Variants in ALCAM observed in about 807,000 individuals in gnomAD.
ALCAM encodes CD166 antigen.
In ALCAM, 30 loss-of-function variants were observed where a neutral mutation model predicts 70.9. That is an observed-to-expected ratio of 0.42 (90% CI 0.32 to 0.57). ALCAM has a LOEUF of 0.57. Among genes scored for constraint, ALCAM ranks in the 20% least tolerant of loss-of-function variants. The pLI, the probability that ALCAM is intolerant of heterozygous loss-of-function variation, is 0.11. For missense variants in ALCAM, 591 were observed against 695.1 expected, an observed-to-expected ratio of 0.85 and a Z score of 1.68; for synonymous variants, 249 against 242.5, an observed-to-expected ratio of 1.03 and a Z score of -0.25.
At chr3:105,449,584 C>T (rs1937377614) in intron 1 of ALCAM, among the ~76,000 whole-genome samples, 1 of 152,110 alleles carries the variant, frequency 6.6e-6, no homozygotes, top group South Asian at 2.1e-4. Context: ...CAATATCATT[C>T]CTGAGAGCTG....
chr3:105,490,068 C>T (rs1386015452), intron 1 of ALCAM, among the ~76,000 whole-genome samples: 1 of 152,180 alleles, frequency 6.6e-6, no homozygotes, highest in African/African-American at 2.4e-5. Context: ...AGCAAAGTAA[C>T]TAAGAAGTTT....
intron 1 of ALCAM, among the ~76,000 whole-genome samples, chr3:105,437,183 T>C (rs1414815902): frequency 6.6e-6 from 1 of 152,232 alleles, no homozygotes; most frequent in African/African-American, 2.4e-5. Context: ...TAAGACTGGA[T>C]TTGCTTGGTT....
At chr3:105,533,916 T>C (rs1939907057) in intron 5 of ALCAM, among the ~76,000 whole-genome samples, 1 of 152,086 alleles carries the variant, frequency 6.6e-6, no homozygotes, top group Non-Finnish European at 1.5e-5. Context: ...CATAGTGATA[T>C]ATAACAAAAT....
chr3:105,561,431 A>T (rs1257401315), intron 14 of ALCAM, among the ~76,000 whole-genome samples: 1 of 152,076 alleles, frequency 6.6e-6, no homozygotes, highest in Non-Finnish European at 1.5e-5. Context: ...AAATGTTCAG[A>T]ATGGACACCT....
intron 1 of ALCAM, among the ~76,000 whole-genome samples, chr3:105,386,945 A>T (rs142297401): frequency 1.7e-4 from 26 of 151,582 alleles, no homozygotes; most frequent in African/African-American, 6.3e-4. Flanking sequence ...TACCCAATAA[A>T]TGTTATTTTT....
At chr3:105,547,652 T>G (rs1025118853) in intron 11 of ALCAM, 129 bp downstream of exon 11, 21 of 1,161,662 alleles carry the variant, frequency 1.8e-5, no homozygotes, top group Non-Finnish European at 2.0e-5. Flanking sequence ...TGTTACCACA[T>G]AGAATTTGCA....
At chr3:105,561,748 T>C (rs568449034) in intron 14 of ALCAM, among the ~76,000 whole-genome samples, 1 of 152,294 alleles carries the variant, frequency 6.6e-6, no homozygotes, top group African/African-American at 2.4e-5. Flanking sequence ...CTAAAATTTT[T>C]ATATTCCTGA....
At chr3:105,425,280 C>T (rs1936761993) in intron 1 of ALCAM, among the ~76,000 whole-genome samples, 1 of 151,678 alleles carries the variant, frequency 6.6e-6, no homozygotes, top group African/African-American at 2.4e-5. Flanking sequence ...TGTTTGATGA[C>T]ACATTGGTTC....
chr3:105,524,146 C>T (rs773823020), intron 2 of ALCAM, 143 bp from the exon 3 acceptor site: 27 of 703,264 alleles, frequency 3.8e-5, no homozygotes, highest in Non-Finnish European at 5.0e-5. Flanking sequence ...CAAATATTTA[C>T]GTGAGACTTG....
Position 105,410,640 on chromosome 3 carries a change from T to A in ALCAM, c.73+43159T>A, listed in dbSNP as rs746461428. 7.2e-5 allele frequency among the ~76,000 whole-genome samples: 11 copies of A among 152,060 alleles called. No individual in the cohort carries two copies. In the South Asian group the frequency reaches 1.2e-3, roughly 17 times the overall value. ...TTTGTAAATCTAAATGCTAACTCAT[T>A]TATTCTGTTTACCTTTCCGAGGCAG... On this transcript the variant is annotated intron_variant, in intron 1 of 15. Transcript: ENST00000306107.
At chr3:105,483,387 T>A (rs1461788563) in intron 1 of ALCAM, among the ~76,000 whole-genome samples, 1 of 152,014 alleles carries the variant, frequency 6.6e-6, no homozygotes, top group East Asian at 1.9e-4. Context: ...GAGAACTTTG[T>A]GATTGATTAG....
Position 105,574,618 on chromosome 3 carries a change from A to T in ALCAM, c.*167A>T, listed in dbSNP as rs1940923098. 1.3e-5 allele frequency: 2 copies of T among 152,636 alleles called. 1 individual carries two copies. The highest frequency in any genetic ancestry group is 4.1e-4 in the South Asian group (2 of 4,834). 9.5% of individuals were successfully genotyped at this position (152,636 alleles called of 1,614,324 possible). Reference sequence around the variant, plus strand: ...TCACAGGTTTTCAGAGAATTATCTCAAGTAAAACAAATGAAATTTAATTAC... The same window carrying T: ...TCACAGGTTTTCAGAGAATTATCTCTAGTAAAACAAATGAAATTTAATTAC... On this transcript the variant is annotated 3_prime_UTR_variant, in exon 16 of 16. Coordinates refer to ENST00000306107, the MANE Select transcript of ALCAM (RefSeq NM_001627.4).
intron 1 of ALCAM, among the ~76,000 whole-genome samples, chr3:105,492,588 G>T (rs144444960): frequency 2.0e-5 from 3 of 152,250 alleles, no homozygotes; most frequent in East Asian, 3.9e-4. Context: ...ATCTAGCAGG[G>T]TATATGGATA....
intron 1 of ALCAM, among the ~76,000 whole-genome samples, chr3:105,467,715 CT>C (rs1937788076): frequency 6.6e-6 from 1 of 151,090 alleles, no homozygotes; most frequent in Non-Finnish European, 1.5e-5. Flanking sequence ...TTCTTACTGA[CT>C]TTAATTTCTG....
intron 1 of ALCAM, among the ~76,000 whole-genome samples, chr3:105,501,424 T>A (rs1046721044): frequency 2.6e-5 from 4 of 152,202 alleles, no homozygotes; most frequent in African/African-American, 9.6e-5. Flanking sequence ...ACAGATAGTG[T>A]AACTGGAAAG....
intron 1 of ALCAM, among the ~76,000 whole-genome samples, chr3:105,487,888 G>A (rs1380510730): frequency 6.6e-6 from 1 of 152,114 alleles, no homozygotes; most frequent in Non-Finnish European, 1.5e-5. Flanking sequence ...TTGCATGAGA[G>A]TTCCTAGATT....
chr3:105,460,573 C>G (rs1284633357), intron 1 of ALCAM, among the ~76,000 whole-genome samples: 2 of 151,966 alleles, frequency 1.3e-5, no homozygotes, highest in Non-Finnish European at 2.9e-5. Flanking sequence ...GTGGGATTCT[C>G]TTAATTTCAA....
intron 1 of ALCAM, among the ~76,000 whole-genome samples, chr3:105,420,138 G>A (rs1002841931): frequency 5.3e-5 from 8 of 151,564 alleles, no homozygotes; most frequent in Non-Finnish European, 1.2e-4. Flanking sequence ...TTTCTAAAAG[G>A]TAGTATTTCA....
At chr3:105,524,078 C>T (rs1250117042) in intron 2 of ALCAM, among the ~76,000 whole-genome samples, 1 of 152,024 alleles carries the variant, frequency 6.6e-6, no homozygotes, top group Non-Finnish European at 1.5e-5. Flanking sequence ...ATTCCTAGAG[C>T]TCTACCCTTT....
Sources: gnomAD v4.1 joint callset for allele counts (sites outside exome capture counted in the v4.1 genomes callset) on GRCh38, gnomAD v4.1.1 for gene constraint, MANE v1.5 for transcripts, NCBI Gene and HGNC (gene_info 2026-07-23, HGNC 2026-07-21) for gene names.